RAD51B: variants seen among roughly 807,000 people sequenced by gnomAD.
RAD51B encodes RAD51 paralog B.
RAD51B carries 38 observed loss-of-function variants against 42.2 expected under a neutral mutation model. The ratio of observed to expected loss-of-function variants is 0.90; its 90% CI spans 0.70 to 1.18. RAD51B has a LOEUF of 1.18. Among genes scored for constraint, RAD51B ranks in the 50% most tolerant of loss-of-function variants. The pLI, the probability that RAD51B is intolerant of heterozygous loss-of-function variation, is 0.00. For missense variants in RAD51B, 373 were observed against 400.7 expected, an observed-to-expected ratio of 0.93 and a Z score of 0.59; for synonymous variants, 154 against 145.2, an observed-to-expected ratio of 1.06 and a Z score of -0.43.
At chr14:68,220,200 C>T (rs1192940106) in intron 7 of RAD51B, among the ~76,000 whole-genome samples, 1 of 152,088 alleles carries the variant, frequency 6.6e-6, no homozygotes, top group Non-Finnish European at 1.5e-5. Flanking sequence ...AGCATCCAAA[C>T]CTAAGAATAA....
At chr14:68,290,266 G>A (rs2081490402) in intron 7 of RAD51B, among the ~76,000 whole-genome samples, 1 of 152,184 alleles carries the variant, frequency 6.6e-6, no homozygotes, top group African/African-American at 2.4e-5. Flanking sequence ...TAAATGCCTA[G>A]TGCCCCTTTC....
chr14:68,148,177 A>G (rs1025606902), intron 7 of RAD51B, among the ~76,000 whole-genome samples: 6 of 152,218 alleles, frequency 3.9e-5, no homozygotes, highest in Admixed American at 2.0e-4. Flanking sequence ...TTTTTCCTGC[A>G]AAGTAGTTTT....
At position 67,994,772 on chromosome 14, in the gene RAD51B, T is replaced by A. The variant is rs192821492; in HGVS notation, c.756+107568T>A. Among the ~76,000 whole-genome samples the A allele has an allele frequency of 1.5e-3, 224 of 152,332 alleles. 1 individual carries two copies. The highest frequency in any genetic ancestry group is 2.5e-3 in the Non-Finnish European group (172 of 68,012). On this transcript the variant is annotated intron_variant, in intron 7 of 10. Coordinates refer to ENST00000471583, the MANE Select transcript of RAD51B (RefSeq NM_133510.4). ...TGATGATTTTCTCTAGCATTTCCCA[T>A]AATCATCTCAAGATTGCAGAGAAAT... is the stretch of plus-strand genomic sequence containing the variant.
At chr14:68,276,423 T>A (rs893025050) in intron 7 of RAD51B, among the ~76,000 whole-genome samples, 2 of 152,224 alleles carry the variant, frequency 1.3e-5, no homozygotes, top group African/African-American at 4.8e-5. Context: ...ACTTTTTTTT[T>A]AAACAGAAAA....
At position 67,907,230 on chromosome 14, in the gene RAD51B, A is replaced by G. The variant is rs571843598; in HGVS notation, c.756+20026A>G. Among the ~76,000 whole-genome samples, 124 of 151,884 alleles carry G rather than the reference A, an allele frequency of 8.2e-4. 1 individual carries two copies. The highest frequency in any genetic ancestry group is 2.9e-3 in the African/African-American group (120 of 41,394). ...GTATGGTTTTTCGTGACTCAATTTC[A>G]TTCAATTCAGCTCTGATTTCAGTTA... On this transcript the variant is annotated intron_variant, in intron 7 of 10. Coordinates refer to ENST00000471583, the MANE Select transcript of RAD51B (RefSeq NM_133510.4).
chr14:68,498,907 C>T (rs72727486), intron 10 of RAD51B, among the ~76,000 whole-genome samples: 1,977 of 152,296 alleles, frequency 0.013, 19 homozygotes, highest in Middle Eastern at 0.041. Context: ...GGACTGGGAA[C>T]CCCTGGGCAA....
intron 8 of RAD51B, among the ~76,000 whole-genome samples, chr14:68,344,399 G>C (rs1319155437): frequency 5.9e-5 from 9 of 152,204 alleles, no homozygotes; most frequent in Admixed American, 5.9e-4. Flanking sequence ...TGTAATCCCA[G>C]CACTTTGGGA....
rs139618199 is a variant in RAD51B at position 68,186,524 on chromosome 14, C to A, written c.757-105360C>A. ...CTTATTGAACAGTTGAACAGCAAAA[C>A]CCAAATAACACTATTAAAAGATGGG... On this transcript the variant is annotated intron_variant, in intron 7 of 10. Coordinates refer to ENST00000471583, the MANE Select transcript of RAD51B (RefSeq NM_133510.4). Among the ~76,000 whole-genome samples the A allele has an allele frequency of 2.0e-5, 3 of 152,104 alleles. No homozygotes were observed. The East Asian group carries it at 5.8e-4, about 29-fold the overall frequency.
intron 10 of RAD51B, among the ~76,000 whole-genome samples, chr14:68,602,990 G>A (rs957513651): frequency 2.6e-5 from 4 of 152,274 alleles, no homozygotes; most frequent in African/African-American, 9.6e-5. Flanking sequence ...AAATAATGAG[G>A]AGCCTTTGGG....
chr14:68,546,836 TG>T (rs1888261048), intron 10 of RAD51B, among the ~76,000 whole-genome samples: 1 of 152,130 alleles, frequency 6.6e-6, no homozygotes. Context: ...GCTGTTATCT[TG>T]GGCGACCAAC....
At chr14:68,367,815 T>A (rs892700037) in intron 8 of RAD51B, among the ~76,000 whole-genome samples, 3 of 152,186 alleles carry the variant, frequency 2.0e-5, no homozygotes, top group African/African-American at 7.2e-5. Context: ...GAAGTGGGAT[T>A]ATTAGTGATG....
chr14:68,425,192 G>A (rs151000843), intron 9 of RAD51B, among the ~76,000 whole-genome samples: 173 of 152,326 alleles, frequency 1.1e-3, no homozygotes, highest in African/African-American at 2.2e-3. Flanking sequence ...AACCCACTGA[G>A]ATAAGTTGGA....
At chr14:68,403,009 C>G (rs35313841) in intron 8 of RAD51B, among the ~76,000 whole-genome samples, 10 of 152,228 alleles carry the variant, frequency 6.6e-5, no homozygotes, top group African/African-American at 2.4e-4. Context: ...TAGCCAGCAG[C>G]TGGCCACAGG....
At chr14:68,635,451 A>C (rs1892322744) in intron 10 of RAD51B, among the ~76,000 whole-genome samples, 1 of 152,228 alleles carries the variant, frequency 6.6e-6, no homozygotes, top group African/African-American at 2.4e-5. Flanking sequence ...CCACAAATGC[A>C]AGCTACACGT....
intron 7 of RAD51B, among the ~76,000 whole-genome samples, chr14:68,273,840 C>G (rs2081169570): frequency 6.6e-6 from 1 of 152,156 alleles, no homozygotes; most frequent in Non-Finnish European, 1.5e-5. Flanking sequence ...GTGTGAGCCT[C>G]CATGCCAGGC....
chr14:67,886,009 A>G, intron 6 of RAD51B, 21 bp downstream of exon 6: 3 of 1,527,694 alleles, frequency 2.0e-6, no homozygotes, highest in Non-Finnish European at 2.7e-6. Context: ...TTAGATTTTG[A>G]TTTTTTAGTA....
chr14:67,885,837 GT>G, intron 5 of RAD51B, 31 bp from the exon 6 acceptor site: 1 of 1,563,140 alleles, frequency 6.4e-7, no homozygotes, highest in South Asian at 1.2e-5. Context: ...AGAATTGACT[GT>G]TTTCGTTTGT....
chr14:68,169,881 C>T (rs1555367778), intron 7 of RAD51B, among the ~76,000 whole-genome samples: 1 of 152,172 alleles, frequency 6.6e-6, no homozygotes, highest in Non-Finnish European at 1.5e-5. Flanking sequence ...GCACTTACAG[C>T]AAAGACTTTT....
At chr14:68,069,976 A>G (rs945940956) in intron 7 of RAD51B, among the ~76,000 whole-genome samples, 1 of 152,020 alleles carries the variant, frequency 6.6e-6, no homozygotes, top group Non-Finnish European at 1.5e-5. Flanking sequence ...ATAATGGCCA[A>G]TCTGACTGAT....
Sources: allele counts gnomAD v4.1 joint callset (sites outside exome capture counted in the v4.1 genomes callset), GRCh38; gene constraint gnomAD v4.1.1; transcripts MANE v1.5; gene names NCBI Gene and HGNC (gene_info 2026-07-23, HGNC 2026-07-21).